SAMD5: variants seen among roughly 807,000 people sequenced by gnomAD.
SAMD5 encodes sterile alpha motif domain containing 5.
In SAMD5, 13 loss-of-function variants were observed where a neutral mutation model predicts 11.3. The observed-to-expected ratio is 1.15, with a 90% confidence interval of 0.75 to 1.83. SAMD5 has a LOEUF of 1.83. Ranked by LOEUF, SAMD5 falls within the 40% of genes most tolerant of loss-of-function variation. The pLI is 0.00. For missense variants in SAMD5, 255 were observed against 239.1 expected (o/e 1.07, Z -0.44); for synonymous variants, 129 against 111.3 (o/e 1.16, Z -1.00).
chr6:147,647,693 G>A (rs1790425947), intron 1 of SAMD5, among the ~76,000 whole-genome samples: 1 of 152,142 alleles, frequency 6.6e-6, no homozygotes, highest in African/African-American at 2.4e-5. Flanking sequence ...GTTGCTAAAA[G>A]CAGCCTTCAT....
At chr6:147,649,176 T>A (rs925502390) in intron 1 of SAMD5, among the ~76,000 whole-genome samples, 1 of 152,218 alleles carries the variant, frequency 6.6e-6, no homozygotes. Context: ...AATGCCTGCA[T>A]AATCTGGCAT....
At chr6:147,700,306 A>G (rs1210565760) in intron 1 of SAMD5, among the ~76,000 whole-genome samples, 1 of 152,186 alleles carries the variant, frequency 6.6e-6, no homozygotes, top group Non-Finnish European at 1.5e-5. Context: ...CTGCCTCTTT[A>G]GAGATCAGAA....
intron 1 of SAMD5, among the ~76,000 whole-genome samples, chr6:147,601,142 T>C (rs1175033253): frequency 3.3e-5 from 5 of 152,216 alleles, no homozygotes; most frequent in Non-Finnish European, 5.9e-5. Flanking sequence ...CAAGTTTGCA[T>C]GCTCCTCCAG....
At chr6:147,778,890 G>A in the SAMD5 span, among the ~76,000 whole-genome samples, 7 of 151,928 alleles carry the variant, frequency 4.6e-5, no homozygotes, top group Non-Finnish European at 1.5e-5. Flanking sequence ...ATAAGTGGAA[G>A]ATACAGTGTC....
chr6:147,758,830 G>A, the SAMD5 span, among the ~76,000 whole-genome samples: 1,749 of 152,204 alleles, frequency 0.011, 33 homozygotes, highest in African/African-American at 0.041. Context: ...TACTCTGAAA[G>A]AAGTACTTCG....
the SAMD5 span, among the ~76,000 whole-genome samples, chr6:147,952,121 C>A: frequency 9.3e-4 from 141 of 152,250 alleles, no homozygotes; most frequent in South Asian, 1.9e-3. Flanking sequence ...CTGTCCAAGG[C>A]ACGCTGATTA....
At chr6:147,857,511 C>A in the SAMD5 span, among the ~76,000 whole-genome samples, 1 of 151,642 alleles carries the variant, frequency 6.6e-6, no homozygotes, top group Non-Finnish European at 1.5e-5. Context: ...AAGACCTTAT[C>A]TCTAAAAAAA....
the SAMD5 span, among the ~76,000 whole-genome samples, chr6:147,817,636 A>G: frequency 3.9e-5 from 6 of 152,256 alleles, no homozygotes; most frequent in Admixed American, 6.5e-5. Flanking sequence ...GATGCAACCC[A>G]GAAAACAGTT....
intron 1 of SAMD5, among the ~76,000 whole-genome samples, chr6:147,591,959 G>T (rs1583098312): frequency 6.6e-6 from 1 of 152,024 alleles, no homozygotes; most frequent in Non-Finnish European, 1.5e-5. Context: ...TTTCTAGCCT[G>T]GTGGGTAAGA....
the SAMD5 span, among the ~76,000 whole-genome samples, chr6:147,861,409 G>A: frequency 3.2e-4 from 48 of 151,948 alleles, 1 homozygote; most frequent in Middle Eastern, 3.4e-3. Context: ...CAAGTGATCC[G>A]TCCGCCTCGG....
the SAMD5 span, among the ~76,000 whole-genome samples, chr6:147,925,795 A>G: frequency 1.3e-5 from 2 of 150,334 alleles, no homozygotes; most frequent in Non-Finnish European, 2.9e-5. Flanking sequence ...TACTAAGCCT[A>G]GTACCCAGTG....
At chr6:147,586,418 C>CT in intron 1 of SAMD5, among the ~76,000 whole-genome samples, 1 of 152,038 alleles carries the variant, frequency 6.6e-6, no homozygotes, top group Non-Finnish European at 1.5e-5. Flanking sequence ...GGTAAATATG[C>CT]TTGTGCCCTC....
the SAMD5 span, among the ~76,000 whole-genome samples, chr6:147,809,480 G>GA: frequency 0.024 from 3,496 of 145,242 alleles, 54 homozygotes; most frequent in African/African-American, 0.049. Context: ...AAAATTAAAA[G>GA]AAAAAAAAAA....
chr6:147,529,170 A>T (rs1788389225), intron 1 of SAMD5, among the ~76,000 whole-genome samples: 1 of 152,218 alleles, frequency 6.6e-6, no homozygotes, highest in African/African-American at 2.4e-5. Flanking sequence ...AAAGATGAAA[A>T]TGGCAGATCT....
At chr6:147,516,776 G>A (rs186633966) in intron 1 of SAMD5, among the ~76,000 whole-genome samples, 96 of 152,288 alleles carry the variant, frequency 6.3e-4, no homozygotes, top group Non-Finnish European at 1.1e-3. Flanking sequence ...GGCCCAAGTC[G>A]CAGAGCAGCT....
intron 1 of SAMD5, among the ~76,000 whole-genome samples, chr6:147,595,991 A>C (rs1372468324): frequency 3.9e-5 from 6 of 152,120 alleles, no homozygotes; most frequent in Non-Finnish European, 8.8e-5. Flanking sequence ...AGCAGCATAG[A>C]TTGTGCTAGC....
At chr6:147,532,913 G>A (rs1273529908) in intron 1 of SAMD5, among the ~76,000 whole-genome samples, 5 of 152,134 alleles carry the variant, frequency 3.3e-5, no homozygotes, top group Admixed American at 6.5e-5. Flanking sequence ...CTGCACTACC[G>A]AGAGGGCATT....
chr6:147,550,900 TTATA>T (rs10677162), intron 1 of SAMD5, among the ~76,000 whole-genome samples: 1 of 150,398 alleles, frequency 6.6e-6, no homozygotes, highest in Non-Finnish European at 1.5e-5. Context: ...CCTCTTATAT[TTATA>T]TATATATATA....
At position 147,567,664 on chromosome 6, in the gene SAMD5, T is replaced by C; in HGVS notation, c.*3208T>C. 1 of 985,400 alleles carries C rather than the reference T, an allele frequency of 1.0e-6. No homozygotes were observed. The highest frequency in any genetic ancestry group is 1.2e-6 in the Non-Finnish European group (1 of 829,908). 61.0% of individuals were successfully genotyped at this position (985,400 alleles called of 1,614,324 possible). On this transcript the variant is annotated 3_prime_UTR_variant, in exon 2 of 2. Coordinates refer to ENST00000367474, the MANE Select transcript of SAMD5 (RefSeq NM_001030060.3). The stretch of plus-strand genomic sequence containing the variant: ...TGCCTCTCTCCCTTCCCTTCTTTAC[T>C]CTCAGTTGTCTTATTTCTTCTTATG...
Sources: gnomAD v4.1 joint callset for allele counts (sites outside exome capture counted in the v4.1 genomes callset) on GRCh38, gnomAD v4.1.1 for gene constraint, MANE v1.5 for transcripts, NCBI Gene and HGNC (gene_info 2026-07-23, HGNC 2026-07-21) for gene names.